KCTD19: variants seen among roughly 807,000 people sequenced by gnomAD.
The protein encoded by KCTD19 is BTB/POZ domain-containing protein KCTD19.
In KCTD19, 67 loss-of-function variants were observed where a neutral mutation model predicts 103.5. That is an observed-to-expected ratio of 0.65 (90% CI 0.53 to 0.79). The LOEUF (loss-of-function observed/expected upper bound fraction) is 0.79. Among genes scored for constraint, KCTD19 ranks in the 30% least tolerant of loss-of-function variants. The pLI is 0.00. For missense variants in KCTD19, 980 were observed against 1,136.1 expected (o/e 0.86, Z 1.98); for synonymous variants, 439 against 452.2 (o/e 0.97, Z 0.37).
chr16:67,290,372 G>T (rs1480894889), intron 15 of KCTD19, among the ~76,000 whole-genome samples: 2 of 151,948 alleles, frequency 1.3e-5, no homozygotes, highest in African/African-American at 4.8e-5. Context: ...TAGAGACGGG[G>T]TTTCACTGTG....
At position 67,291,291 on chromosome 16, in the gene KCTD19, G is replaced by C; in HGVS notation, c.2565+18C>G. ...GAAGGTACAGGGTGCCCCAGGGCCT[G>C]AGGCCTGTCACACATACCCACAGCC... On this transcript the variant is annotated intron_variant, in intron 14 of 15. Transcript: ENST00000304372. 6.2e-7 allele frequency: 1 copy of C among 1,610,124 alleles called. No individual in the cohort carries two copies. The highest frequency in any genetic ancestry group is 8.5e-7 in the Non-Finnish European group (1 of 1,178,556).
In KCTD19 at chr16:67,303,931, T is replaced by C. The variant is rs1000314267; in HGVS notation, c.451+490A>G. Among the ~76,000 whole-genome samples, 3 of 152,250 alleles carry C rather than the reference T, an allele frequency of 2.0e-5. No individual in the cohort carries two copies. The highest frequency in any genetic ancestry group is 4.8e-5 in the African/African-American group (2 of 41,470). ...TATGTATCCAAAGTCATTAAATTCA[T>C]TTACCCATTTGATTCTAATTGATCA... On this transcript the variant is annotated intron_variant, in intron 3 of 15. Transcript: ENST00000304372. The surrounding 1 kb of genome is among the most constrained non-coding windows in gnomAD (Gnocchi z 4.3).
intron 2 of KCTD19, among the ~76,000 whole-genome samples, chr16:67,312,210 G>C (rs947411027): frequency 1.3e-5 from 2 of 152,168 alleles, no homozygotes; most frequent in Non-Finnish European, 2.9e-5. Flanking sequence ...CTTCAGGGGG[G>C]AAGTAAAAAA....
At position 67,303,018 on chromosome 16, in the gene KCTD19, G is replaced by A. The variant is rs559306063; in HGVS notation, c.643+128C>T. 20 of 813,550 alleles carry A rather than the reference G, an allele frequency of 2.5e-5. No individual in the cohort carries two copies. The highest frequency in any genetic ancestry group is 1.9e-4 in the Admixed American group (7 of 36,430). The allele number at this position is 813,550 out of a possible 1,614,324, so 50.4% of individuals were successfully genotyped here. A position where few individuals can be genotyped will look rare whatever the true frequency, so the allele number is the denominator to read the frequency against. The stretch of plus-strand genomic sequence containing the variant: ...TCCTGGAAGGCTCTGTCATGCTTCC[G>A]CTACCTCTGCCCAGGGAAGCTCCTG... On this transcript the variant is annotated intron_variant, in intron 4 of 15. Coordinates refer to ENST00000304372, the MANE Select transcript of KCTD19 (RefSeq NM_001100915.3). The surrounding 1 kb of genome is among the most constrained non-coding windows in gnomAD (Gnocchi z 4.3).
chr16:67,293,870 G>A lies in KCTD19; in HGVS notation c.1892C>T (p.Pro631Leu). ...CACCAGGGAGATGAGTTTTTGCATG[G>A]GAGTGGCGGGAGGGTCTTTGGTTTC... ...KSETKDPPAT[P>L]MQKLISLVRE... Residue 631 changes from proline (P) to leucine (L), a missense_variant, in exon 12 of 16, where the codon CCC (proline) becomes CTC (leucine). Physicochemically the swap from Pro to Leu is moderately conservative, Grantham distance 98 (BLOSUM62 -3). Coordinates refer to ENST00000304372, the MANE Select transcript of KCTD19 (RefSeq NM_001100915.3). This position sits in a 1 kb window ranked among gnomAD's most constrained non-coding sequence, Gnocchi z 4.0. The A allele has an allele frequency of 1.9e-6, 3 of 1,612,568 alleles. No individual in the cohort carries two copies. The South Asian group carries it at 3.3e-5, about 18-fold the overall frequency.
rs1306440277 is a variant in KCTD19 at position 67,297,657 on chromosome 16, C to T, written c.993G>A (p.Trp331Ter). Reference sequence around the variant, plus strand: ...TCAGGGGCAGCCGGCAAGTCCCCAGCCAGTTCCTGCCCAGAGGAAAGGTCT... The same window carrying T: ...TCAGGGGCAGCCGGCAAGTCCCCAGTCAGTTCCTGCCCAGAGGAAAGGTCT... The part of the protein sequence containing the change: ...NGVLFQHVKN[W>*]LGTCRLPLTE... Residue 331 changes from tryptophan to a stop codon, truncating the protein, a stop_gained, in exon 7 of 16, where the codon TGG (tryptophan) becomes TGA (stop). Transcript: ENST00000304372. LOFTEE classifies it high-confidence loss of function. 1 of 1,613,628 alleles carries T rather than the reference C, an allele frequency of 6.2e-7. No homozygotes were observed. The highest frequency in any genetic ancestry group is 8.5e-7 in the Non-Finnish European group (1 of 1,179,946).
At position 67,320,690 on chromosome 16, in the gene KCTD19, G is replaced by C. The variant is rs1472446358; in HGVS notation, c.199C>G (p.His67Asp). The change falls in exon 2 of 16, where the codon CAC becomes GAC. Residue 67 changes from histidine (H) to aspartate (D), a missense_variant. By Grantham distance (81) the His-to-Asp change is moderately conservative (BLOSUM62 -1). Transcript: ENST00000304372. This position sits in a 1 kb window ranked among gnomAD's most constrained non-coding sequence, Gnocchi z 4.0. The stretch of plus-strand genomic sequence containing the variant: ...AGTTTGGAGGTGTAGAGGTAATAGT[G>C]CACGTGCCTAAATGTGGAACCATCT... Reference protein sequence around the residue: ...DRDGSTFRHVHYYLYTSKLSF... With the variant: ...DRDGSTFRHVDYYLYTSKLSF... 2 of 1,613,972 alleles carry C rather than the reference G, an allele frequency of 1.2e-6. No individual in the cohort carries two copies. The highest frequency in any genetic ancestry group is 1.6e-4 in the Middle Eastern group (1 of 6,084).
At position 67,304,554 on chromosome 16, in the gene KCTD19, C is replaced by T; in HGVS notation, c.318G>A (p.Lys106=). The T allele has an allele frequency of 6.2e-7, 1 of 1,614,052 alleles. No individual in the cohort carries two copies. Among genetic ancestry groups the T allele is most frequent in the South Asian group, 1.1e-5 (1 of 91,074 alleles). ...MPLLQTLDNL[K]EGKHHLRVRP... ...GTACGCGTAGATGGTGTTTCCCTTC[C>T]TTCAGGTTATCTAGAGTCTGTTAGA... The change falls in exon 3 of 16, where the codon AAG becomes AAA. Residue 106 remains lysine (K), a synonymous_variant. Transcript: ENST00000304372.
At chr16:67,314,880 G>A (rs574943017) in intron 2 of KCTD19, among the ~76,000 whole-genome samples, 1 of 144,368 alleles carries the variant, frequency 6.9e-6, no homozygotes, top group African/African-American at 2.7e-5. Flanking sequence ...GAGAGGGGAA[G>A]GGTCTTGCTT....
At chr16:67,311,587 C>G (rs188144509) in intron 2 of KCTD19, among the ~76,000 whole-genome samples, 1 of 152,182 alleles carries the variant, frequency 6.6e-6, no homozygotes, top group Admixed American at 6.5e-5. Context: ...AGGCGCGAGC[C>G]ACCGTCCCCA....
chr16:67,294,951 A>G, intron 10 of KCTD19, 22 bp downstream of exon 10: 1 of 1,563,234 alleles, frequency 6.4e-7, no homozygotes. Context: ...CTAAACATAG[A>G]GTCGTGATAA....
At chr16:67,301,974 G>C (rs751344736) in intron 4 of KCTD19, 52 bp from the exon 5 acceptor site, 1 of 1,593,948 alleles carries the variant, frequency 6.3e-7, no homozygotes, top group Non-Finnish European at 8.6e-7. Flanking sequence ...TTCTGGTTTA[G>C]CTGTAGGTCC....
chr16:67,292,133 G>C (rs755085886), intron 12 of KCTD19, among the ~76,000 whole-genome samples: 20 of 152,210 alleles, frequency 1.3e-4, no homozygotes, highest in Non-Finnish European at 2.4e-4. Context: ...CCAAAGTGCT[G>C]GGATTACAGG....
chr16:67,313,856 G>A (rs1232981076), intron 2 of KCTD19, among the ~76,000 whole-genome samples: 1 of 150,266 alleles, frequency 6.7e-6, no homozygotes, highest in Admixed American at 6.6e-5. Context: ...ACTGCACCCG[G>A]CCTTTTTTTT....
intron 4 of KCTD19, chr16:67,302,433 T>C (rs950077693): frequency 6.3e-6 from 1 of 159,698 alleles, no homozygotes; most frequent in African/African-American, 2.4e-5. Context: ...TAGGTGACTA[T>C]GAATATGAAT....
At position 67,320,694 on chromosome 16, in the gene KCTD19, G is replaced by A. The variant is rs368616414; in HGVS notation, c.195C>T (p.His65=). ...TGGAGGTGTAGAGGTAATAGTGCACGTGCCTAAATGTGGAACCATCTCTGT... is the reference window on the plus strand; with the variant it reads ...TGGAGGTGTAGAGGTAATAGTGCACATGCCTAAATGTGGAACCATCTCTGT... ...FIDRDGSTFR[H]VHYYLYTSKL... Residue 65 remains histidine (H), a synonymous_variant, in exon 2 of 16, where the codon CAC becomes CAT. Transcript: ENST00000304372. The surrounding 1 kb of genome is among the most constrained non-coding windows in gnomAD (Gnocchi z 4.0). 6 of 1,613,966 alleles carry A rather than the reference G, an allele frequency of 3.7e-6. No homozygotes were observed. Among genetic ancestry groups the A allele is most frequent in the Non-Finnish European group, 5.1e-6 (6 of 1,180,018 alleles).
chr16:67,293,821 G>A lies in KCTD19; in HGVS notation c.1941C>T (p.Cys647=). The change falls in exon 12 of 16, where the codon TGC becomes TGT. Residue 647 remains cysteine, a synonymous_variant. Transcript: ENST00000304372. This position sits in a 1 kb window ranked among gnomAD's most constrained non-coding sequence, Gnocchi z 4.0. ...TCAGTGGCTGGAATTCCCACTGTTT[G>A]CAATTGACCATGTCCCATTCTCTCA... is the stretch of plus-strand genomic sequence containing the variant. ...SLVREWDMVN[C]KQWEFQPLTA... is the part of the protein sequence containing the mutation. The A allele has an allele frequency of 6.2e-7, 1 of 1,613,728 alleles. No individual in the cohort carries two copies. Among genetic ancestry groups the A allele is most frequent in the Non-Finnish European group, 8.5e-7 (1 of 1,180,026 alleles).
intron 6 of KCTD19, among the ~76,000 whole-genome samples, chr16:67,298,849 CTAA>C (rs1555504645): frequency 6.6e-6 from 1 of 152,252 alleles, no homozygotes; most frequent in Non-Finnish European, 1.5e-5. Flanking sequence ...TGCCCCTGCA[CTAA>C]TGAGGACATC....
At chr16:67,318,653 C>T (rs761367422) in intron 2 of KCTD19, among the ~76,000 whole-genome samples, 11 of 151,190 alleles carry the variant, frequency 7.3e-5, no homozygotes, top group African/African-American at 1.2e-4. Flanking sequence ...GCTTAATACA[C>T]TGTAGAATAG....
Sources: gnomAD v4.1 joint callset for allele counts (sites outside exome capture counted in the v4.1 genomes callset) on GRCh38, gnomAD v4.1.1 for gene constraint, Gnocchi (gnomAD v3.1) non-coding constraint, MANE v1.5 for transcripts, NCBI Gene and HGNC (gene_info 2026-07-23, HGNC 2026-07-21) for gene names.